The following PTP4A1 variants were observed in gnomAD, a reference collection of about 807,000 sequenced individuals.
The protein encoded by PTP4A1 is protein tyrosine phosphatase type IVA 1.
Under a neutral mutation model 20.5 loss-of-function variants are expected in PTP4A1, and 9 were observed. The ratio of observed to expected loss-of-function variants is 0.44; its 90% CI spans 0.26 to 0.77. The LOEUF (loss-of-function observed/expected upper bound fraction) is 0.77. Ranked by LOEUF, PTP4A1 falls within the 30% of genes least tolerant of loss-of-function variation. The pLI is 0.19. For missense variants in PTP4A1, 137 were observed against 218.8 expected (o/e 0.63, Z 2.36); for synonymous variants, 78 against 67.4 (o/e 1.16, Z -0.77).
chr6:63,579,363 CTCTT>C (rs1047791561), intron 5 of PTP4A1, 32 bp downstream of exon 5: 17 of 1,500,532 alleles, frequency 1.1e-5, no homozygotes, highest in Middle Eastern at 1.7e-4. Context: ...CATTTGTACT[CTCTT>C]TCATTTCCTT....
chr6:63,558,886 G>A (rs990081959), intron 3 of PTP4A1, among the ~76,000 whole-genome samples: 1 of 152,220 alleles, frequency 6.6e-6, no homozygotes, highest in African/African-American at 2.4e-5. Context: ...TGCCTCATCT[G>A]TCAAGTAGGA....
At chr6:63,570,451 C>A (rs1481700467), upstream of PTP4A1, among the ~76,000 whole-genome samples, 6 of 152,152 alleles carry the variant, frequency 3.9e-5, no homozygotes, top group African/African-American at 1.4e-4. Context: ...GAGGCTAAGA[C>A]CCCCAGGCCA....
intron 1 of PTP4A1, among the ~76,000 whole-genome samples, chr6:63,522,984 C>A (rs1264939395): frequency 2.6e-5 from 4 of 151,746 alleles, no homozygotes; most frequent in Admixed American, 6.6e-5. Flanking sequence ...CCTGCCACAG[C>A]CTCCGGAGTA....
In PTP4A1 at chr6:63,581,441, C is replaced by T. The variant is rs1778216397; in HGVS notation, c.*1267C>T. ...GCTGAAACATCTAAATAAATAATGACATGCATTTATCATCATTGAGATTGG... is the reference window on the plus strand; with the variant it reads ...GCTGAAACATCTAAATAAATAATGATATGCATTTATCATCATTGAGATTGG... On this transcript the variant is annotated 3_prime_UTR_variant, in exon 6 of 6. Transcript: ENST00000626021. 2 of 152,554 alleles carry T rather than the reference C, an allele frequency of 1.3e-5. No individual in the cohort carries two copies. Among genetic ancestry groups the T allele is most frequent in the Admixed American group, 1.3e-4 (2 of 15,264 alleles). The allele number at this position is 152,554 out of a possible 1,614,324, so 9.5% of individuals were successfully genotyped here. A position where few individuals can be genotyped will look rare whatever the true frequency, so the allele number is the denominator to read the frequency against.
chr6:63,557,058 T>A (rs1286509077), intron 3 of PTP4A1, among the ~76,000 whole-genome samples: 2 of 152,212 alleles, frequency 1.3e-5, no homozygotes, highest in African/African-American at 4.8e-5. Context: ...TAAATACTTA[T>A]TATGTGCCAA....
chr6:63,549,329 A>C (rs1244175255), intron 2 of PTP4A1: 1 of 754,006 alleles, frequency 1.3e-6, no homozygotes, highest in African/African-American at 1.7e-5. Flanking sequence ...GCAACCTGAT[A>C]TAGTGGGGGC....
intron 3 of PTP4A1, among the ~76,000 whole-genome samples, chr6:63,560,076 A>T (rs1024180719): frequency 2.0e-5 from 3 of 152,200 alleles, no homozygotes; most frequent in Admixed American, 2.0e-4. Context: ...ACCAATTTCC[A>T]TAGTTTTCAT....
At chr6:63,517,659 C>A (rs922862228), upstream of PTP4A1, among the ~76,000 whole-genome samples, 5 of 152,230 alleles carry the variant, frequency 3.3e-5, no homozygotes, top group South Asian at 1.0e-3. Flanking sequence ...ATCACATACA[C>A]ACACATATAT....
intron 1 of PTP4A1, among the ~76,000 whole-genome samples, chr6:63,525,014 C>G (rs1775097771): frequency 6.6e-6 from 1 of 152,118 alleles, no homozygotes; most frequent in African/African-American, 2.4e-5. Flanking sequence ...GTCACCAAGC[C>G]TTGTTCTAAC....
At chr6:63,549,237 G>T in intron 2 of PTP4A1, 1 of 737,882 alleles carries the variant, frequency 1.4e-6, no homozygotes. Context: ...CAGAGCAGCT[G>T]TTTGGTGGTC....
rs115842810 is a variant in PTP4A1 at position 63,565,717 on chromosome 6, A to G, written c.-445-10719A>G. On this transcript the variant is annotated intron_variant, in intron 3 of 3. Coordinates refer to the PTP4A1 transcript ENST00000639568. ...TTAAAAGGCTTGTTGTGACAAGCTT[A>G]TTTGCTCATTGGAAATTTCTGTGTC... Among the ~76,000 whole-genome samples, 619 of 152,286 alleles carry G rather than the reference A, an allele frequency of 4.1e-3. 4 individuals carry two copies. Among genetic ancestry groups the G allele is most frequent in the Non-Finnish European group, 6.2e-3 (425 of 68,018 alleles).
At chr6:63,526,800 A>AATGT in intron 1 of PTP4A1, among the ~76,000 whole-genome samples, 1 of 82,524 alleles carries the variant, frequency 1.2e-5, no homozygotes, top group Admixed American at 1.3e-4. Context: ...CTATCTCAAA[A>AATGT]ATGTATATAT....
At chr6:63,579,431 T>A in intron 5 of PTP4A1, 100 bp downstream of exon 5, 1 of 826,168 alleles carries the variant, frequency 1.2e-6, no homozygotes, top group Non-Finnish European at 1.8e-6. Context: ...ATTATGATTA[T>A]TTTTTGAGAT....
At position 63,529,667 on chromosome 6, in the gene PTP4A1, A is replaced by C. The variant is rs552277403; in HGVS notation, c.-640+1583A>C. Among the ~76,000 whole-genome samples the C allele has an allele frequency of 4.6e-5, 7 of 152,350 alleles. No individual in the cohort carries two copies. In the South Asian group the frequency reaches 1.2e-3, roughly 27 times the overall value. ...CAGCCAACCCTGTTTGCATAAAATG[A>C]AAGTTAGAAAACTAAAAGTTTTGTG... On this transcript the variant is annotated intron_variant, in intron 2 of 3. Transcript: ENST00000639568.
At chr6:63,526,020 T>C (rs1316153460) in intron 1 of PTP4A1, among the ~76,000 whole-genome samples, 1 of 152,108 alleles carries the variant, frequency 6.6e-6, no homozygotes, top group Non-Finnish European at 1.5e-5. Flanking sequence ...ACCACTATAT[T>C]TTATTGCCTT....
At chr6:63,519,427 T>C (rs1269682517), upstream of PTP4A1, among the ~76,000 whole-genome samples, 2 of 152,234 alleles carry the variant, frequency 1.3e-5, no homozygotes, top group African/African-American at 2.4e-5. Flanking sequence ...CATAGCTTTT[T>C]GGATTTCATA....
chr6:63,527,438 G>A (rs751860287), intron 1 of PTP4A1, among the ~76,000 whole-genome samples: 2 of 151,950 alleles, frequency 1.3e-5, no homozygotes, highest in African/African-American at 4.8e-5. Flanking sequence ...CTATTTGATG[G>A]GTCTTTCCTT....
At chr6:63,531,096 G>T (rs192693190) in intron 2 of PTP4A1, among the ~76,000 whole-genome samples, 6 of 152,262 alleles carry the variant, frequency 3.9e-5, no homozygotes, top group African/African-American at 1.2e-4. Flanking sequence ...GATAGATCAG[G>T]TTTCAAGCAC....
At chr6:63,561,798 A>G (rs1009112486) in intron 3 of PTP4A1, among the ~76,000 whole-genome samples, 2 of 152,222 alleles carry the variant, frequency 1.3e-5, no homozygotes, top group African/African-American at 2.4e-5. Context: ...TTGAAAGTAA[A>G]TTATAATCAG....
Sources: allele counts gnomAD v4.1 joint callset (sites outside exome capture counted in the v4.1 genomes callset), GRCh38; gene constraint gnomAD v4.1.1; transcripts MANE v1.5; gene names NCBI Gene and HGNC (gene_info 2026-07-23, HGNC 2026-07-21).